CHST11: variants seen among roughly 807,000 people sequenced by gnomAD.
The protein encoded by CHST11 is carbohydrate sulfotransferase 11, also known as C4S-1.
CHST11 carries 9 observed loss-of-function variants against 30.4 expected under a neutral mutation model. That is an observed-to-expected ratio of 0.30 (90% CI 0.18 to 0.52). The LOEUF (loss-of-function observed/expected upper bound fraction) is 0.52, where lower values mean the gene tolerates loss of function less well. Among genes scored for constraint, CHST11 ranks in the 20% least tolerant of loss-of-function variants. The pLI is 0.97. For missense variants in CHST11, 348 were observed against 460.6 expected, an observed-to-expected ratio of 0.76 and a Z score of 2.24; for synonymous variants, 152 against 187.8, an observed-to-expected ratio of 0.81 and a Z score of 1.56.
chr12:104,648,448 A>G (rs1290636017), intron 2 of CHST11, among the ~76,000 whole-genome samples: 2 of 152,186 alleles, frequency 1.3e-5, no homozygotes, highest in African/African-American at 4.8e-5. Flanking sequence ...GTGGTTCGGT[A>G]GGTTAGCAAG....
chr12:104,472,229 C>T (rs552525046), intron 1 of CHST11, among the ~76,000 whole-genome samples: 1 of 151,720 alleles, frequency 6.6e-6, no homozygotes, highest in South Asian at 2.1e-4. Context: ...GCCTCAGCCT[C>T]CTGAAGTACT....
chr12:104,623,391 G>A (rs1214213992), intron 2 of CHST11, among the ~76,000 whole-genome samples: 3 of 152,204 alleles, frequency 2.0e-5, no homozygotes, highest in Admixed American at 6.5e-5. Context: ...ATGTACGGTC[G>A]AGGTCCAGGC....
chr12:104,628,746 T>C (rs2039243710), intron 2 of CHST11, among the ~76,000 whole-genome samples: 1 of 152,218 alleles, frequency 6.6e-6, no homozygotes, highest in South Asian at 2.1e-4. Flanking sequence ...TCTTTCTGCT[T>C]CACCTCTACT....
chr12:104,469,035 T>C (rs916528977), intron 1 of CHST11, among the ~76,000 whole-genome samples: 5 of 152,226 alleles, frequency 3.3e-5, no homozygotes, highest in Non-Finnish European at 7.3e-5. Flanking sequence ...TATGATAAAT[T>C]ACCTGTGTGG....
At chr12:104,666,746 G>A (rs1257028936) in intron 2 of CHST11, among the ~76,000 whole-genome samples, 1 of 152,196 alleles carries the variant, frequency 6.6e-6, no homozygotes, top group African/African-American at 2.4e-5. Context: ...GAGAAGCTAG[G>A]GAAGTCCTGT....
At chr12:104,726,420 C>T (rs893626658) in intron 2 of CHST11, among the ~76,000 whole-genome samples, 1 of 152,156 alleles carries the variant, frequency 6.6e-6, no homozygotes, top group African/African-American at 2.4e-5. Context: ...AAATGAAAAA[C>T]TAAGGGGCTT....
chr12:104,706,695 C>T (rs890536767), intron 2 of CHST11, among the ~76,000 whole-genome samples: 1 of 152,172 alleles, frequency 6.6e-6, no homozygotes, highest in African/African-American at 2.4e-5. Context: ...ACGAGGCTCT[C>T]AACACCACCT....
chr12:104,669,904 T>A (rs766294178), intron 2 of CHST11, among the ~76,000 whole-genome samples: 23 of 152,246 alleles, frequency 1.5e-4, no homozygotes, highest in Non-Finnish European at 2.5e-4. Flanking sequence ...TAATAGCCAA[T>A]CCCTCAAAAG....
At chr12:104,734,097 C>T (rs1488498367) in intron 2 of CHST11, among the ~76,000 whole-genome samples, 1 of 152,254 alleles carries the variant, frequency 6.6e-6, no homozygotes, top group African/African-American at 2.4e-5. Context: ...GGCCAGCTTC[C>T]GCCAGCAGAG....
chr12:104,596,886 G>A (rs1320334160), intron 1 of CHST11, among the ~76,000 whole-genome samples: 1 of 152,180 alleles, frequency 6.6e-6, no homozygotes, highest in East Asian at 1.9e-4. Flanking sequence ...TGTAAATCGA[G>A]GGGATTGGCC....
intron 2 of CHST11, among the ~76,000 whole-genome samples, chr12:104,665,083 C>T (rs2039630544): frequency 6.6e-6 from 1 of 152,192 alleles, no homozygotes; most frequent in Non-Finnish European, 1.5e-5. Context: ...ATCATCCAAC[C>T]TCTTCCCACT....
intron 2 of CHST11, among the ~76,000 whole-genome samples, chr12:104,691,458 C>T (rs184590350): frequency 3.6e-4 from 51 of 143,060 alleles, no homozygotes; most frequent in African/African-American, 1.2e-3. Flanking sequence ...ATACTGGGGG[C>T]GGGGGGGAAA....
At chr12:104,465,100 T>A (rs1384530358) in intron 1 of CHST11, among the ~76,000 whole-genome samples, 1 of 152,194 alleles carries the variant, frequency 6.6e-6, no homozygotes, top group Non-Finnish European at 1.5e-5. Context: ...TGAGGCCACC[T>A]CTGTAAATTG....
At chr12:104,459,689 C>G (rs3751320) in intron 1 of CHST11, among the ~76,000 whole-genome samples, 1 of 152,024 alleles carries the variant, frequency 6.6e-6, no homozygotes, top group Non-Finnish European at 1.5e-5. Context: ...ATCTTTTCAG[C>G]CTAGCCTTTT....
At chr12:104,562,210 C>T (rs2038520659) in intron 1 of CHST11, among the ~76,000 whole-genome samples, 1 of 152,124 alleles carries the variant, frequency 6.6e-6, no homozygotes, top group African/African-American at 2.4e-5. Context: ...ATACGGGTCA[C>T]CACGGAGGAG....
rs148565153 is a variant in CHST11 at position 104,640,398 on chromosome 12, C to G, written c.204+38407C>G. On this transcript the variant is annotated intron_variant, in intron 2 of 2. Coordinates refer to ENST00000303694, the MANE Select transcript of CHST11 (RefSeq NM_018413.6). The stretch of plus-strand genomic sequence containing the variant: ...ATACAACAGAATATTATTCAGCAAT[C>G]AGAAATATGCCATCCAGCCACAAAA... Among the ~76,000 whole-genome samples, 273 of 152,212 alleles carry G rather than the reference C, an allele frequency of 1.8e-3. 4 individuals carry two copies. The highest frequency in any genetic ancestry group is 6.8e-3 in the Middle Eastern group (2 of 294).
chr12:104,536,746 T>C (rs2038240682), intron 1 of CHST11, among the ~76,000 whole-genome samples: 1 of 152,166 alleles, frequency 6.6e-6, no homozygotes, highest in Non-Finnish European at 1.5e-5. Context: ...AGATAGAAGA[T>C]GGTGGTTATT....
At chr12:104,714,165 C>T (rs950557400) in intron 2 of CHST11, among the ~76,000 whole-genome samples, 4 of 152,174 alleles carry the variant, frequency 2.6e-5, no homozygotes, top group East Asian at 1.9e-4. Flanking sequence ...GTGAAGAAGG[C>T]GCACTGGGAG....
chr12:104,722,593 C>T (rs983804795), intron 2 of CHST11, among the ~76,000 whole-genome samples: 3 of 152,080 alleles, frequency 2.0e-5, no homozygotes, highest in Admixed American at 6.5e-5. Context: ...GTCATCGTTT[C>T]TGCTTGTGGA....
Sources: allele counts gnomAD v4.1 joint callset (sites outside exome capture counted in the v4.1 genomes callset), GRCh38; gene constraint gnomAD v4.1.1; transcripts MANE v1.5; gene names NCBI Gene and HGNC (gene_info 2026-07-23, HGNC 2026-07-21).